The following NUCB1 variants were observed in gnomAD, a reference collection of about 807,000 sequenced individuals.
The protein encoded by NUCB1 is nucleobindin 1, also known as nucleobindin-1.
A neutral mutation model predicts 61.2 loss-of-function variants in NUCB1; 47 were observed. That is an observed-to-expected ratio of 0.77 (90% confidence interval 0.61 to 0.98). The LOEUF (loss-of-function observed/expected upper bound fraction) is 0.98, where lower values mean the gene tolerates loss of function less well. Ranked by LOEUF, NUCB1 falls within the 50% of genes least tolerant of loss-of-function variation. NUCB1 has a pLI of 0.00. For missense variants in NUCB1, 583 were observed against 605.3 expected, an observed-to-expected ratio of 0.96 and a Z score of 0.39; for synonymous variants, 234 against 243.1, an observed-to-expected ratio of 0.96 and a Z score of 0.35.
Position 48,913,104 on chromosome 19 carries a change from G to A in NUCB1, c.574G>A (p.Glu192Lys). The A allele has an allele frequency of 1.2e-6, 2 of 1,613,886 alleles. No homozygotes were observed. Among genetic ancestry groups the A allele is most frequent in the South Asian group, 1.1e-5 (1 of 91,062 alleles). Residue 192 changes from glutamate (E) to lysine (K), a missense_variant, in exon 6 of 13, where the codon GAG becomes AAG. Physicochemically the swap from Glu to Lys is moderately conservative, Grantham distance 56 (BLOSUM62 1). Transcript: ENST00000405315. ...LKEHERRRYL[E>K]SLGEEQRKEA... ...GGAACACGAGAGACGGCGTTATCTG[G>A]AGTCACTGGGAGAGGAGCAGAGAAA...
At chr19:48,911,047 C>T in intron 4 of NUCB1, 102 bp from the exon 5 acceptor site, 1 of 793,546 alleles carries the variant, frequency 1.3e-6, no homozygotes, top group South Asian at 1.6e-5. Context: ...GTCTTCTGGG[C>T]TTCCCTAGTG....
chr19:48,921,853 G>A lies in NUCB1; in HGVS notation c.1200G>A (p.Lys400=), dbSNP rs746238373. The change falls in exon 12 of 13, where the codon AAG becomes AAA. Residue 400 remains lysine (K), a synonymous_variant. Transcript: ENST00000405315. ...CTGTGCTGCACATGGAGCAGCGGAA[G>A]CAGCAGCAGCAGCAGCAGCAAGGCC... is the stretch of plus-strand genomic sequence containing the variant. ...QQAVLHMEQR[K]QQQQQQQGHK... is the part of the protein sequence containing the mutation. 2 of 1,595,506 alleles carry A rather than the reference G, an allele frequency of 1.3e-6. No homozygotes were observed. Among genetic ancestry groups the A allele is most frequent in the South Asian group, 2.2e-5 (2 of 90,492 alleles).
chr19:48,905,872 C>G lies in NUCB1; in HGVS notation c.363C>G (p.Ala121=), dbSNP rs145502276. The change falls in exon 4 of 13, where the codon GCC becomes GCG. Residue 121 remains alanine, a synonymous_variant. Transcript: ENST00000405315. The part of the protein sequence containing the change: ...LRMLLKAKMD[A]EQDPNVQVDH... ...TGCTGCTCAAGGCCAAGATGGACGCCGAGCAGGATCCCAGTGAGCAGGGGC... is the reference window on the plus strand; with the variant it reads ...TGCTGCTCAAGGCCAAGATGGACGCGGAGCAGGATCCCAGTGAGCAGGGGC... 2.8e-6 allele frequency: 4 copies of G among 1,447,628 alleles called. No individual in the cohort carries two copies. The highest frequency in any genetic ancestry group is 3.3e-5 in the East Asian group (1 of 30,738). 89.7% of individuals were successfully genotyped at this position (1,447,628 alleles called of 1,614,324 possible). A position where few individuals can be genotyped will look rare whatever the true frequency, so the allele number is the denominator to read the frequency against.
chr19:48,922,320 G>A lies in NUCB1; in HGVS notation c.1282G>A (p.Asp428Asn), dbSNP rs754807767. The stretch of plus-strand genomic sequence containing the variant: ...CCATTCCCTCCCTCCATTTCCAGAC[G>A]ATGTACCTGTCCCAGCTCCAGCCGG... ...GQLKFHPDTDDVPVPAPAGDQ... is the reference protein window; with the variant it reads ...GQLKFHPDTDNVPVPAPAGDQ... The change falls in exon 13 of 13, where the codon GAT becomes AAT. Residue 428 changes from aspartate to asparagine, a missense_variant and splice_region_variant. Transcript: ENST00000405315. 1.5e-5 allele frequency: 24 copies of A among 1,613,106 alleles called. No homozygotes were observed. Among genetic ancestry groups the A allele is most frequent in the Admixed American group, 6.7e-5 (4 of 59,954 alleles).
Position 48,922,780 on chromosome 19 carries a change from TG to T in NUCB1, c.*359del. 4.4e-6 allele frequency: 1 copy of T among 229,424 alleles called. No homozygotes were observed. Among genetic ancestry groups the T allele is most frequent in the South Asian group, 6.0e-5 (1 of 16,686 alleles). The allele number at this position is 229,424 out of a possible 1,614,324, so 14.2% of individuals were successfully genotyped here. ...CCTAGGTGGCTCGGCCTCAGCTGCC[TG>T]GGTTGTGGCCGCCCTAGCATCCTGT... On this transcript the variant is annotated 3_prime_UTR_variant, in exon 13 of 13. Coordinates refer to ENST00000405315, the MANE Select transcript of NUCB1 (RefSeq NM_006184.6).
At chr19:48,907,258 C>A (rs942206702) in intron 4 of NUCB1, among the ~76,000 whole-genome samples, 1 of 150,748 alleles carries the variant, frequency 6.6e-6, no homozygotes, top group Non-Finnish European at 1.5e-5. Context: ...CAGGTGTGAG[C>A]CACCGCGCCT....
intron 5 of NUCB1, among the ~76,000 whole-genome samples, 153 bp downstream of exon 5, chr19:48,911,405 C>CTTTTT (rs1163076168): frequency 1.4e-4 from 15 of 104,432 alleles, no homozygotes; most frequent in East Asian, 8.3e-4. Flanking sequence ...CTTTTCTTTT[C>CTTTTT]TTTTTTTTTT....
Position 48,922,658 on chromosome 19 carries a change from G to A in NUCB1, c.*234G>A, listed in dbSNP as rs940143005. On this transcript the variant is annotated 3_prime_UTR_variant, in exon 13 of 13. Transcript: ENST00000405315. ...TCCTCCGAGGGGCTTGCCTTCTCTC[G>A]TGTCCAGTGAGGTGCTCAGTGATCG... is the stretch of plus-strand genomic sequence containing the variant. 8 of 514,126 alleles carry A rather than the reference G, an allele frequency of 1.6e-5. No homozygotes were observed. Among genetic ancestry groups the A allele is most frequent in the African/African-American group, 5.8e-5 (3 of 51,716 alleles). 31.8% of individuals were successfully genotyped at this position (514,126 alleles called of 1,614,324 possible).
chr19:48,917,084 G>A (rs912220905), intron 7 of NUCB1, among the ~76,000 whole-genome samples: 2 of 151,686 alleles, frequency 1.3e-5, no homozygotes, highest in African/African-American at 4.8e-5. Flanking sequence ...TTAGCTGGGT[G>A]TGGTGGCGTG....
intron 7 of NUCB1, among the ~76,000 whole-genome samples, chr19:48,915,317 A>G (rs569441197): frequency 9.6e-6 from 1 of 104,248 alleles, no homozygotes; most frequent in East Asian, 2.7e-4. Flanking sequence ...AGTCTCTACT[A>G]AAAATACAAA....
At chr19:48,906,001 A>ATGTGCTGAAATGTGC in intron 4 of NUCB1, 116 bp downstream of exon 4, 1 of 961,706 alleles carries the variant, frequency 1.0e-6, no homozygotes, top group Admixed American at 2.3e-5. Context: ...CCGCTGCGAA[A>ATGTGCTGAAATGTGC]TGTGCTGAAA....
At chr19:48,901,810 C>T (rs1303989666) in intron 2 of NUCB1, among the ~76,000 whole-genome samples, 2 of 152,208 alleles carry the variant, frequency 1.3e-5, no homozygotes, top group East Asian at 3.8e-4. Flanking sequence ...CTAGTCATTA[C>T]CCCCTGGAAC....
chr19:48,906,625 G>A (rs1306226708), intron 4 of NUCB1, among the ~76,000 whole-genome samples: 2 of 151,970 alleles, frequency 1.3e-5, no homozygotes, highest in Admixed American at 1.3e-4. Context: ...TTAGGAAGCT[G>A]AGGTGGGAGG....
chr19:48,909,979 T>C (rs78904191), intron 4 of NUCB1, among the ~76,000 whole-genome samples: 6,700 of 152,274 alleles, frequency 0.044, 446 homozygotes, highest in African/African-American at 0.15. Flanking sequence ...GGCTTAGGAC[T>C]TCAACATAGA....
chr19:48,902,552 A>G (rs1600049410), intron 2 of NUCB1, among the ~76,000 whole-genome samples: 1 of 151,174 alleles, frequency 6.6e-6, no homozygotes, highest in African/African-American at 2.4e-5. Flanking sequence ...GACTGCAGGC[A>G]TGTGCCACCA....
chr19:48,919,419 T>G (rs2037581309), intron 10 of NUCB1, 133 bp downstream of exon 10: 2 of 564,400 alleles, frequency 3.5e-6, no homozygotes. Flanking sequence ...CATCTCTATC[T>G]CTGGGTCTCT....
In NUCB1 at chr19:48,921,158, T is replaced by C. The variant is rs1039825919; in HGVS notation, c.1007T>C (p.Val336Ala). Residue 336 changes from valine to alanine, a missense_variant, in exon 11 of 13, where the codon GTG (valine) becomes GCG (alanine). Physicochemically the swap from Val to Ala is moderately conservative, Grantham distance 64. Transcript: ENST00000405315. ...FGDTGEGWET[V>A]EMHPAYTEEE... is the part of the protein sequence containing the mutation. The stretch of plus-strand genomic sequence containing the variant: ...GCCCCTGTGCCTGCCCTGCAGACAG[T>C]GGAGATGCACCCTGCCTACACCGAG... 1 of 1,606,374 alleles carries C rather than the reference T, an allele frequency of 6.2e-7. No homozygotes were observed. The highest frequency in any genetic ancestry group is 2.2e-5 in the East Asian group (1 of 44,682).
chr19:48,904,483 A>C, intron 3 of NUCB1, 29 bp downstream of exon 3: 3 of 967,862 alleles, frequency 3.1e-6, no homozygotes, highest in Non-Finnish European at 4.7e-6. Flanking sequence ...GGGCTGTGGG[A>C]GGGGTACGTG....
intron 7 of NUCB1, 81 bp from the exon 8 acceptor site, chr19:48,918,645 C>T: frequency 1.7e-6 from 2 of 1,169,272 alleles, no homozygotes; most frequent in Non-Finnish European, 2.6e-6. Context: ...GACCCCACAT[C>T]AGCCCAAAAT....
Sources: gnomAD v4.1 joint callset for allele counts (sites outside exome capture counted in the v4.1 genomes callset) on GRCh38, gnomAD v4.1.1 for gene constraint, MANE v1.5 for transcripts, NCBI Gene and HGNC (gene_info 2026-07-23, HGNC 2026-07-21) for gene names.